SORCS3: variants seen among roughly 807,000 people sequenced by gnomAD.
The protein encoded by SORCS3 is sortilin related VPS10 domain containing receptor 3, also known as VPS10 domain-containing receptor SorCS3.
In SORCS3, 57 loss-of-function variants were observed where a neutral mutation model predicts 146.3. That is an observed-to-expected ratio of 0.39 (90% CI 0.31 to 0.49). The LOEUF (loss-of-function observed/expected upper bound fraction) is 0.49. Ranked by LOEUF, SORCS3 falls within the 20% of genes least tolerant of loss-of-function variation. The pLI, the probability that SORCS3 is intolerant of heterozygous loss-of-function variation, is 0.92. For missense variants in SORCS3, 1,341 were observed against 1,575.5 expected (o/e 0.85, Z 2.52); for synonymous variants, 653 against 618.5 (o/e 1.06, Z -0.83).
At chr10:104,794,815 C>T (rs1290652061) in intron 1 of SORCS3, among the ~76,000 whole-genome samples, 2 of 152,108 alleles carry the variant, frequency 1.3e-5, no homozygotes, top group Admixed American at 6.5e-5. Flanking sequence ...AATTCCTTGG[C>T]GTAAACACCC....
At position 104,956,414 on chromosome 10, in the gene SORCS3, C is replaced by A. The variant is rs375322358; in HGVS notation, c.796-20921C>A. On this transcript the variant is annotated intron_variant, in intron 3 of 26. Transcript: ENST00000369701. ...AACCCAAGGGACTCTTGTCCTTACA[C>A]AAACTGATTCTCTGTGTTTGCGCTC... Among the ~76,000 whole-genome samples the A allele has an allele frequency of 2.0e-4, 30 of 152,320 alleles. No homozygotes were observed. The East Asian group carries it at 3.7e-3, about 19-fold the overall frequency.
intron 4 of SORCS3, among the ~76,000 whole-genome samples, chr10:104,977,730 C>CTTTTTTTTTT (rs796233007): frequency 3.9e-4 from 48 of 122,866 alleles, no homozygotes; most frequent in Non-Finnish European, 5.8e-4. Flanking sequence ...CTTTTCTTTT[C>CTTTTTTTTTT]TTTTTTTTTT....
intron 1 of SORCS3, among the ~76,000 whole-genome samples, chr10:104,788,243 G>A (rs779985597): frequency 2.0e-5 from 3 of 152,142 alleles, no homozygotes; most frequent in South Asian, 4.1e-4. Flanking sequence ...ATTTATTGTT[G>A]CATTGTGGGT....
intron 1 of SORCS3, among the ~76,000 whole-genome samples, chr10:104,823,916 A>G (rs532036314): frequency 6.6e-6 from 1 of 152,330 alleles, no homozygotes; most frequent in South Asian, 2.1e-4. Flanking sequence ...GGAGGAAGAA[A>G]AGTCAGTTTT....
intron 2 of SORCS3, among the ~76,000 whole-genome samples, chr10:104,902,461 C>T (rs2018861488): frequency 6.6e-6 from 1 of 152,244 alleles, no homozygotes; most frequent in Non-Finnish European, 1.5e-5. Context: ...CCCTTGCAGG[C>T]TTTTGCATGG....
At chr10:104,709,095 C>T (rs545412286) in intron 1 of SORCS3, among the ~76,000 whole-genome samples, 8 of 152,210 alleles carry the variant, frequency 5.3e-5, no homozygotes, top group Non-Finnish European at 7.4e-5. Flanking sequence ...CACTCATTCT[C>T]CAGCCTCACA....
intron 6 of SORCS3, among the ~76,000 whole-genome samples, chr10:105,100,102 C>G (rs964560235): frequency 2.0e-5 from 3 of 152,158 alleles, no homozygotes; most frequent in African/African-American, 7.2e-5. Flanking sequence ...ACAATGCTCC[C>G]TAAAGGGCCT....
intron 19 of SORCS3, among the ~76,000 whole-genome samples, chr10:105,219,702 A>C (rs1251675732): frequency 6.6e-6 from 1 of 152,186 alleles, no homozygotes; most frequent in Non-Finnish European, 1.5e-5. Context: ...TTAACTTTGT[A>C]CCTGACATTT....
chr10:104,720,747 T>C (rs1320054384), intron 1 of SORCS3, among the ~76,000 whole-genome samples: 3 of 152,242 alleles, frequency 2.0e-5, no homozygotes, highest in African/African-American at 7.2e-5. Context: ...CATTTTTCCA[T>C]GTGTCTGTTG....
chr10:104,989,295 A>G (rs1000097073), intron 4 of SORCS3, among the ~76,000 whole-genome samples: 1 of 152,224 alleles, frequency 6.6e-6, no homozygotes, highest in African/African-American at 2.4e-5. Context: ...CTCTGCATGT[A>G]TCACTCAGAT....
chr10:104,888,552 C>CT (rs112305091), intron 2 of SORCS3, among the ~76,000 whole-genome samples: 55,034 of 151,890 alleles, frequency 0.36, 12,656 homozygotes, highest in African/African-American at 0.66. Flanking sequence ...CAGTACTCAC[C>CT]TTTTTTTTCT....
At chr10:104,966,098 T>C (rs1241198494) in intron 3 of SORCS3, among the ~76,000 whole-genome samples, 1 of 152,078 alleles carries the variant, frequency 6.6e-6, no homozygotes, top group Non-Finnish European at 1.5e-5. Context: ...GTCACTGTCC[T>C]GTGTTTTGTC....
Position 105,134,539 on chromosome 10 carries a change from T to C in SORCS3, c.1213-4858T>C, listed in dbSNP as rs563408209. Among the ~76,000 whole-genome samples, 12 of 134,706 alleles carry C rather than the reference T, an allele frequency of 8.9e-5. No homozygotes were observed. In the East Asian group the frequency reaches 2.5e-3, roughly 28 times the overall value. 88.4% of individuals were successfully genotyped at this position (134,706 alleles called of 152,430 possible). A position where few individuals can be genotyped will look rare whatever the true frequency, so the allele number is the denominator to read the frequency against. ...ACTGAGTCTTTACATGGCAGAAGGA[T>C]AGAAGGGACAAAAAGGAAAAAAAAA... On this transcript the variant is annotated intron_variant, in intron 7 of 26. Coordinates refer to ENST00000369701, the MANE Select transcript of SORCS3 (RefSeq NM_014978.3).
chr10:104,887,699 C>T (rs1181213990), intron 2 of SORCS3, among the ~76,000 whole-genome samples: 2 of 152,092 alleles, frequency 1.3e-5, no homozygotes, highest in African/African-American at 2.4e-5. Flanking sequence ...TTGTTTAGAT[C>T]GCATGTGAAC....
chr10:104,788,194 G>T (rs1391578038), intron 1 of SORCS3, among the ~76,000 whole-genome samples: 2 of 152,284 alleles, frequency 1.3e-5, no homozygotes, highest in Non-Finnish European at 2.9e-5. Context: ...ATCAGGCAAT[G>T]GTTGAGTTGA....
chr10:104,915,325 T>C (rs1291883279), intron 2 of SORCS3, among the ~76,000 whole-genome samples: 2 of 152,052 alleles, frequency 1.3e-5, no homozygotes, highest in East Asian at 3.9e-4. Context: ...ACCCCATAAG[T>C]TTTCTGGGCA....
intron 1 of SORCS3, among the ~76,000 whole-genome samples, chr10:104,788,593 A>G (rs1267037007): frequency 1.3e-5 from 2 of 152,206 alleles, no homozygotes; most frequent in African/African-American, 4.8e-5. Context: ...AAAGCTTTTC[A>G]TAGAAAACCC....
intron 3 of SORCS3, among the ~76,000 whole-genome samples, chr10:104,935,755 G>A (rs2019253970): frequency 6.6e-6 from 1 of 152,040 alleles, no homozygotes; most frequent in African/African-American, 2.4e-5. Context: ...GGTGGGTTGG[G>A]GAGGGTTTTC....
intron 4 of SORCS3, among the ~76,000 whole-genome samples, chr10:104,984,800 C>T (rs983745002): frequency 4.6e-5 from 7 of 151,988 alleles, no homozygotes; most frequent in Non-Finnish European, 7.4e-5. Context: ...TTTCCCCATG[C>T]GTATAAAAGT....
Sources: allele counts gnomAD v4.1 joint callset (sites outside exome capture counted in the v4.1 genomes callset), GRCh38; gene constraint gnomAD v4.1.1; transcripts MANE v1.5; gene names NCBI Gene and HGNC (gene_info 2026-07-23, HGNC 2026-07-21).